The following ANTXR1 variants were observed in gnomAD, a reference collection of about 807,000 sequenced individuals.
The protein encoded by ANTXR1 is ANTXR cell adhesion molecule 1, also known as anthrax toxin receptor 1.
In ANTXR1, 19 loss-of-function variants were observed where a neutral mutation model predicts 78.1. That is an observed-to-expected ratio of 0.24 (90% confidence interval 0.17 to 0.36). ANTXR1 has a LOEUF of 0.36. Among genes scored for constraint, ANTXR1 ranks in the 10% least tolerant of loss-of-function variants. ANTXR1 has a pLI of 1.00. For synonymous variants in ANTXR1, 273 were observed against 260.5 expected (o/e 1.05, Z -0.46); for missense variants, 518 against 718.6 (o/e 0.72, Z 3.19).
chr2:69,230,743 A>T (rs1184740178), intron 17 of ANTXR1, among the ~76,000 whole-genome samples: 1 of 152,162 alleles, frequency 6.6e-6, no homozygotes, highest in Non-Finnish European at 1.5e-5. Context: ...CCCTTTCCAG[A>T]TTGCAACATT....
At chr2:69,218,906 C>T (rs12997939) in intron 17 of ANTXR1, among the ~76,000 whole-genome samples, 42,522 of 152,008 alleles carry the variant, frequency 0.28, 7,007 homozygotes, top group South Asian at 0.37. Context: ...TTCCAAAGGC[C>T]GGAGCGACTT....
intron 16 of ANTXR1, among the ~76,000 whole-genome samples, chr2:69,185,344 GC>G (rs1288369916): frequency 1.3e-5 from 2 of 151,948 alleles, no homozygotes; most frequent in Non-Finnish European, 2.9e-5. Context: ...TTTGAGACCA[GC>G]CCCGGCCAAC....
At chr2:69,213,345 C>G (rs533859989) in intron 17 of ANTXR1, among the ~76,000 whole-genome samples, 24 of 152,198 alleles carry the variant, frequency 1.6e-4, no homozygotes, top group Non-Finnish European at 2.8e-4. Context: ...ATCTCTTTGT[C>G]AGCCAGATGG....
intron 17 of ANTXR1, among the ~76,000 whole-genome samples, chr2:69,202,768 C>G (rs1421479671): frequency 6.6e-6 from 1 of 152,118 alleles, no homozygotes; most frequent in Non-Finnish European, 1.5e-5. Flanking sequence ...GGAACTGGAG[C>G]TCCTGGAAAC....
chr2:69,129,463 T>A (rs964051206), intron 12 of ANTXR1, among the ~76,000 whole-genome samples: 1 of 151,536 alleles, frequency 6.6e-6, no homozygotes, highest in Non-Finnish European at 1.5e-5. Context: ...TATAAAAGAG[T>A]GTATAATAGG....
chr2:69,025,791 G>A (rs1056909147), intron 1 of ANTXR1, among the ~76,000 whole-genome samples: 9 of 152,236 alleles, frequency 5.9e-5, no homozygotes, highest in Middle Eastern at 3.4e-3. Flanking sequence ...ATTTGCCCAG[G>A]ACAGGCCTGG....
intron 8 of ANTXR1, among the ~76,000 whole-genome samples, chr2:69,080,172 C>A (rs1670856605): frequency 6.6e-6 from 1 of 152,186 alleles, no homozygotes; most frequent in South Asian, 2.1e-4. Flanking sequence ...GGCAGTTGTT[C>A]ATTCGTTTGC....
chr2:69,123,065 C>T lies in ANTXR1; in HGVS notation c.851C>T (p.Pro284Leu), dbSNP rs761567482. The T allele has an allele frequency of 1.2e-6, 2 of 1,614,112 alleles. No individual in the cohort carries two copies. The highest frequency in any genetic ancestry group is 1.7e-6 in the Non-Finnish European group (2 of 1,180,022). ...GATACTTATTTACTGTGTCCAGCGCCTATCTTAAAAGAAGTTGGCATGTAA... is the reference window on the plus strand; with the variant it reads ...GATACTTATTTACTGTGTCCAGCGCTTATCTTAAAAGAAGTTGGCATGTAA... ...VEDTYLLCPA[P>L]ILKEVGMKAA... Residue 284 changes from proline to leucine, a missense_variant, in exon 11 of 18, where the codon CCT becomes CTT. Pro to Leu is a moderately conservative substitution (Grantham distance 98). This residue lies in a region of ANTXR1 where 264 missense variants were observed against 391.8 expected (regional missense o/e 0.67). Coordinates refer to ENST00000303714, the MANE Select transcript of ANTXR1 (RefSeq NM_032208.3).
intron 12 of ANTXR1, among the ~76,000 whole-genome samples, chr2:69,140,233 T>G (rs1673032476): frequency 6.6e-6 from 1 of 152,208 alleles, no homozygotes; most frequent in Non-Finnish European, 1.5e-5. Flanking sequence ...ATCTTCCCCT[T>G]AACTGCATAT....
intron 16 of ANTXR1, among the ~76,000 whole-genome samples, chr2:69,192,616 A>G (rs1433413038): frequency 1.3e-5 from 2 of 152,210 alleles, no homozygotes; most frequent in Non-Finnish European, 2.9e-5. Context: ...CCTTTCTGCC[A>G]TGTAAGGTAA....
chr2:69,111,752 A>G (rs1420739402), intron 10 of ANTXR1, among the ~76,000 whole-genome samples: 3 of 152,240 alleles, frequency 2.0e-5, no homozygotes, highest in East Asian at 3.8e-4. Flanking sequence ...CCTAGGGGGA[A>G]GAGAGACAAC....
intron 17 of ANTXR1, among the ~76,000 whole-genome samples, chr2:69,211,078 AG>A (rs1675030761): frequency 6.6e-6 from 1 of 152,136 alleles, no homozygotes; most frequent in Non-Finnish European, 1.5e-5. Context: ...GGCTACAGAG[AG>A]GAGGTGTTAC....
At chr2:69,117,033 G>A (rs1432292572) in intron 10 of ANTXR1, among the ~76,000 whole-genome samples, 2 of 152,168 alleles carry the variant, frequency 1.3e-5, no homozygotes, top group Non-Finnish European at 2.9e-5. Context: ...ATGAGTGTAT[G>A]GTTCCAGAGC....
At chr2:69,130,987 G>A (rs1194638067) in intron 12 of ANTXR1, among the ~76,000 whole-genome samples, 1 of 152,156 alleles carries the variant, frequency 6.6e-6, no homozygotes, top group Non-Finnish European at 1.5e-5. Flanking sequence ...CTCAATAAAT[G>A]AATCAAGTAA....
chr2:69,238,173 C>A (rs905807764), intron 17 of ANTXR1, among the ~76,000 whole-genome samples: 21 of 152,164 alleles, frequency 1.4e-4, no homozygotes, highest in Admixed American at 1.4e-3. Flanking sequence ...ATTCCAAATT[C>A]GCAGGAGAGA....
intron 1 of ANTXR1, among the ~76,000 whole-genome samples, chr2:69,028,272 A>G (rs1011833903): frequency 6.6e-6 from 1 of 152,222 alleles, no homozygotes; most frequent in Non-Finnish European, 1.5e-5. Context: ...TTATTCATTA[A>G]AAAACACTAA....
chr2:69,185,736 C>G (rs943923108), intron 16 of ANTXR1, among the ~76,000 whole-genome samples: 13 of 152,070 alleles, frequency 8.5e-5, no homozygotes, highest in African/African-American at 3.1e-4. Flanking sequence ...ACACTGGGTC[C>G]ATTTTTACCA....
intron 14 of ANTXR1, among the ~76,000 whole-genome samples, chr2:69,174,940 C>T (rs1674080862): frequency 6.6e-6 from 1 of 152,116 alleles, no homozygotes; most frequent in Non-Finnish European, 1.5e-5. Flanking sequence ...ATACCAGTGG[C>T]CCCAATATTT....
At chr2:69,043,883 G>A (rs1669680450) in intron 2 of ANTXR1, among the ~76,000 whole-genome samples, 1 of 152,144 alleles carries the variant, frequency 6.6e-6, no homozygotes, top group Non-Finnish European at 1.5e-5. Flanking sequence ...AAACACTTGG[G>A]GAACTGGAAC....
Sources: allele counts gnomAD v4.1 joint callset (sites outside exome capture counted in the v4.1 genomes callset), GRCh38; gene constraint gnomAD v4.1.1; regional missense constraint gnomAD v4.1.1; transcripts MANE v1.5; gene names NCBI Gene and HGNC (gene_info 2026-07-23, HGNC 2026-07-21).